The following NUP153 variants were observed in gnomAD, a reference collection of about 807,000 sequenced individuals.
The protein encoded by NUP153 is nuclear pore complex protein Nup153.
A neutral mutation model predicts 134.6 loss-of-function variants in NUP153; 27 were observed. The ratio of observed to expected loss-of-function variants is 0.20; its 90% CI spans 0.15 to 0.28. The LOEUF (loss-of-function observed/expected upper bound fraction) is 0.28. NUP153 is among the 10% of genes least tolerant of loss of function. NUP153 has a pLI of 1.00. For missense variants in NUP153, 1,821 were observed against 1,731.3 expected (o/e 1.05, Z -0.92); for synonymous variants, 640 against 623.5 (o/e 1.03, Z -0.40).
chr6:17,676,244 T>C (rs1413731704), intron 2 of NUP153, among the ~76,000 whole-genome samples: 1 of 152,174 alleles, frequency 6.6e-6, no homozygotes, highest in Non-Finnish European at 1.5e-5. Context: ...GCTTCACTGT[T>C]TTCCAAATGG....
At chr6:17,697,675 G>A (rs886168321) in intron 1 of NUP153, among the ~76,000 whole-genome samples, 7 of 151,992 alleles carry the variant, frequency 4.6e-5, no homozygotes, top group Middle Eastern at 3.2e-3. Context: ...GCGACTGAGC[G>A]AGACTCCATC....
At chr6:17,668,103 T>C (rs1197552369) in intron 8 of NUP153, among the ~76,000 whole-genome samples, 1 of 141,968 alleles carries the variant, frequency 7.0e-6, no homozygotes, top group African/African-American at 2.7e-5. Flanking sequence ...TGAGATAGAG[T>C]CTCACTTTGT....
chr6:17,688,901 A>C (rs1320230866), intron 1 of NUP153, among the ~76,000 whole-genome samples: 1 of 152,202 alleles, frequency 6.6e-6, no homozygotes, highest in Non-Finnish European at 1.5e-5. Flanking sequence ...CTCAATGTCG[A>C]TTTTAGATTT....
chr6:17,626,725 T>C (rs948836382), intron 18 of NUP153, among the ~76,000 whole-genome samples: 3 of 152,208 alleles, frequency 2.0e-5, no homozygotes, highest in Non-Finnish European at 4.4e-5. Flanking sequence ...TGGACTGATA[T>C]TAGTAGGACA....
rs1277937246 is a variant in NUP153, at chr6:17,637,413, T to C, written c.2204A>G (p.Asn735Ser). ...TACACATTTTATTGCTTCAGGTTTA[T>C]TTTGCACTAAACAGGTATCACAATC... The part of the protein sequence containing the change: ...TWDCDTCLVQ[N>S]KPEAIKCVAC... Residue 735 changes from asparagine to serine, a missense_variant, in exon 16 of 22, where the codon AAT becomes AGT. Asn to Ser is a conservative substitution (Grantham distance 46, BLOSUM62 1). Coordinates refer to ENST00000262077, the MANE Select transcript of NUP153 (RefSeq NM_005124.4). The C allele has an allele frequency of 6.2e-7, 1 of 1,614,136 alleles. No individual in the cohort carries two copies. Among genetic ancestry groups the C allele is most frequent in the Non-Finnish European group, 8.5e-7 (1 of 1,180,060 alleles).
chr6:17,641,416 T>C (rs535269587), intron 14 of NUP153, among the ~76,000 whole-genome samples: 12 of 152,196 alleles, frequency 7.9e-5, no homozygotes, highest in Non-Finnish European at 1.3e-4. Flanking sequence ...ACACCTGTAG[T>C]CTCAGCTACT....
intron 1 of NUP153, among the ~76,000 whole-genome samples, chr6:17,700,760 C>A (rs1770001798): frequency 6.6e-6 from 1 of 152,126 alleles, no homozygotes; most frequent in South Asian, 2.1e-4. Context: ...AGACCTTGGT[C>A]TTTTTTCATA....
chr6:17,634,106 A>ACC (rs201371877), intron 16 of NUP153, among the ~76,000 whole-genome samples: 4 of 144,754 alleles, frequency 2.8e-5, no homozygotes, highest in East Asian at 2.0e-4. Flanking sequence ...TGGTTCATGA[A>ACC]CCCCCCCCAT....
chr6:17,649,755 T>C (rs1337093676), intron 11 of NUP153, among the ~76,000 whole-genome samples: 1 of 152,220 alleles, frequency 6.6e-6, no homozygotes, highest in Non-Finnish European at 1.5e-5. Context: ...AATTGTTCTA[T>C]TTTATTGTTG....
intron 15 of NUP153, among the ~76,000 whole-genome samples, chr6:17,639,422 C>T (rs1400650010): frequency 6.6e-6 from 1 of 152,128 alleles, no homozygotes; most frequent in Non-Finnish European, 1.5e-5. Context: ...GAATTATGAA[C>T]ATCCTGTTTT....
chr6:17,646,221 C>T, intron 13 of NUP153, 67 bp from the exon 14 acceptor site: 1 of 817,970 alleles, frequency 1.2e-6, no homozygotes. Context: ...CTTTTTTATT[C>T]CCCCGAGACG....
chr6:17,623,884 A>AC (rs1478527666), intron 20 of NUP153, among the ~76,000 whole-genome samples: 1 of 152,214 alleles, frequency 6.6e-6, no homozygotes, highest in Non-Finnish European at 1.5e-5. Context: ...ACCATAAAAG[A>AC]CAAGGCGGTG....
chr6:17,669,508 A>C lies in NUP153; in HGVS notation c.891T>G (p.Ser297Arg). The change falls in exon 6 of 22, where the codon AGT (serine) becomes AGG (arginine). Residue 297 changes from serine to arginine, a missense_variant. Physicochemically the swap from Ser to Arg is moderately radical, Grantham distance 110. Coordinates refer to ENST00000262077, the MANE Select transcript of NUP153 (RefSeq NM_005124.4). ...AACTGGTCACACCGTAAGATTGTGC[A>C]CTGAGTTGCTTAGCTTTCATTTGTC... is the stretch of plus-strand genomic sequence containing the variant. ...VRRQMKAKQL[S>R]AQSYGVTSST... 6.2e-7 allele frequency: 1 copy of C among 1,614,070 alleles called. No individual in the cohort carries two copies. The highest frequency in any genetic ancestry group is 8.5e-7 in the Non-Finnish European group (1 of 1,179,916).
chr6:17,658,250 A>G (rs971368620), intron 11 of NUP153, among the ~76,000 whole-genome samples: 2 of 152,176 alleles, frequency 1.3e-5, no homozygotes, highest in African/African-American at 4.8e-5. Flanking sequence ...ACAAAAAATT[A>G]GCTGGGCCTG....
chr6:17,646,120 G>A lies in NUP153; in HGVS notation c.1667C>T (p.Thr556Ile), dbSNP rs778842384. ...GFTFSVPVAK[T>I]AELSGSSSTL... is the part of the protein sequence containing the mutation. ...ACTACTAGAACCAGAAAGTTCTGCT[G>A]TTTTTGCAACAGGCACACTAAATGT... The change falls in exon 14 of 22, where the codon ACA becomes ATA. Residue 556 changes from threonine (T) to isoleucine (I), a missense_variant. By Grantham distance (89) the Thr-to-Ile change is moderately conservative. Transcript: ENST00000262077. The A allele has an allele frequency of 1.2e-5, 19 of 1,601,830 alleles. No individual in the cohort carries two copies. The East Asian group carries it at 3.6e-4, about 30-fold the overall frequency.
chr6:17,649,057 T>C, intron 12 of NUP153, 106 bp downstream of exon 12: 1 of 1,043,352 alleles, frequency 9.6e-7, no homozygotes, highest in Admixed American at 2.9e-5. Flanking sequence ...ACTATGTTAT[T>C]AATTTCCATA....
Position 17,628,628 on chromosome 6 carries a change from T to C in NUP153, c.3544+27A>G. 8.4e-7 allele frequency: 1 copy of C among 1,195,500 alleles called. No individual in the cohort carries two copies. The highest frequency in any genetic ancestry group is 1.1e-6 in the Non-Finnish European group (1 of 944,128). 74.1% of individuals were successfully genotyped at this position (1,195,500 alleles called of 1,614,324 possible). A position where few individuals can be genotyped will look rare whatever the true frequency, so the allele number is the denominator to read the frequency against. ...CAACTTGTAAAAAAAAAAATAATAA[T>C]AATAATAATAAAAAGTTAATACTTA... On this transcript the variant is annotated intron_variant, in intron 18 of 21. Transcript: ENST00000262077. The surrounding 1 kb of genome is among the most constrained non-coding windows in gnomAD (Gnocchi z 5.4).
Position 17,675,071 on chromosome 6 carries a change from A to G in NUP153, c.724-38T>C, listed in dbSNP as rs1420346933. On this transcript the variant is annotated intron_variant, in intron 4 of 21. Coordinates refer to ENST00000262077, the MANE Select transcript of NUP153 (RefSeq NM_005124.4). This position sits in a 1 kb window ranked among gnomAD's most constrained non-coding sequence, Gnocchi z 4.4. ...AGAATGATAAATTATAAGCCATATG[A>G]ACCCAGGAGGTGGAGGTTGCAGTGA... is the stretch of plus-strand genomic sequence containing the variant. 1 of 1,610,038 alleles carries G rather than the reference A, an allele frequency of 6.2e-7. No homozygotes were observed. The highest frequency in any genetic ancestry group is 2.2e-5 in the East Asian group (1 of 44,832).
rs774717023 is a variant in NUP153 at position 17,637,375 on chromosome 6, G to C, written c.2242C>G (p.Pro748Ala). 2.5e-6 allele frequency: 4 copies of C among 1,614,188 alleles called. No individual in the cohort carries two copies. Among genetic ancestry groups the C allele is most frequent in the Non-Finnish European group, 2.5e-6 (3 of 1,180,044 alleles). ...EAIKCVACETPKPGTCVKRAL... is the reference protein window; with the variant it reads ...EAIKCVACETAKPGTCVKRAL... ...CGCTTCACACAAGTTCCAGGTTTCG[G>C]TGTTTCACAGGCTACACATTTTATT... Residue 748 changes from proline to alanine, a missense_variant, in exon 16 of 22, where the codon CCG becomes GCG. Physicochemically the swap from Pro to Ala is conservative, Grantham distance 27. Transcript: ENST00000262077.
Sources: gnomAD v4.1 joint callset for allele counts (sites outside exome capture counted in the v4.1 genomes callset) on GRCh38, gnomAD v4.1.1 for gene constraint, Gnocchi (gnomAD v3.1) non-coding constraint, MANE v1.5 for transcripts, NCBI Gene and HGNC (gene_info 2026-07-23, HGNC 2026-07-21) for gene names.